The following AGBL1 variants were observed in gnomAD, a reference collection of about 807,000 sequenced individuals.
The protein encoded by AGBL1 is cytosolic carboxypeptidase 4.
A neutral mutation model predicts 118.9 loss-of-function variants in AGBL1; 130 were observed. The observed-to-expected ratio is 1.09, with a 90% CI of 0.95 to 1.26. AGBL1 has a LOEUF of 1.26. Ranked by LOEUF, AGBL1 falls within the 50% of genes most tolerant of loss-of-function variation. The pLI is 0.00. For synonymous variants in AGBL1, 555 were observed against 478.9 expected, an observed-to-expected ratio of 1.16 and a Z score of -2.08; for missense variants, 1,584 against 1,298.1, an observed-to-expected ratio of 1.22 and a Z score of -3.38.
At chr15:86,949,665 A>C (rs1290111781) in intron 23 of AGBL1, among the ~76,000 whole-genome samples, 1 of 152,180 alleles carries the variant, frequency 6.6e-6, no homozygotes, top group Non-Finnish European at 1.5e-5. Context: ...TTATGTGTAT[A>C]ATAATGCTTT....
At chr15:86,089,725 C>T (rs570160122) in intron 1 of AGBL1, among the ~76,000 whole-genome samples, 12 of 152,158 alleles carry the variant, frequency 7.9e-5, no homozygotes, top group South Asian at 6.2e-4. Flanking sequence ...CCTACAGTTT[C>T]GACCCAGAGC....
intron 22 of AGBL1, among the ~76,000 whole-genome samples, chr15:86,691,386 A>C (rs1275432257): frequency 6.6e-6 from 1 of 152,112 alleles, no homozygotes; most frequent in Non-Finnish European, 1.5e-5. Context: ...ATTATTTTTC[A>C]GTACTGAATT....
In AGBL1 at chr15:86,142,086, C is replaced by T; in HGVS notation, c.115+19C>T. The T allele has an allele frequency of 3.2e-6, 5 of 1,549,210 alleles. No homozygotes were observed. The highest frequency in any genetic ancestry group is 4.4e-6 in the Non-Finnish European group (5 of 1,146,228). The stretch of plus-strand genomic sequence containing the variant: ...TCTGTTGGTGAGTAGGCCATGCTCT[C>T]ATGCTTTCATATGGCGGATGTGGAG... On this transcript the variant is annotated intron_variant, in intron 2 of 22. Transcript: ENST00000614907.
intron 17 of AGBL1, among the ~76,000 whole-genome samples, chr15:86,298,258 T>TAC (rs2079681561): frequency 2.1e-5 from 2 of 96,404 alleles, no homozygotes; most frequent in African/African-American, 9.3e-5. Context: ...TATATATATA[T>TAC]ATATATATAT....
chr15:86,580,146 G>A (rs771771413), intron 21 of AGBL1, among the ~76,000 whole-genome samples: 6 of 152,138 alleles, frequency 3.9e-5, no homozygotes, highest in South Asian at 2.1e-4. Flanking sequence ...TGAGTTAACC[G>A]TAGGAGGGAC....
chr15:86,573,503 G>A (rs1365758015), intron 21 of AGBL1, among the ~76,000 whole-genome samples: 1 of 152,196 alleles, frequency 6.6e-6, no homozygotes, highest in Non-Finnish European at 1.5e-5. Flanking sequence ...GTAACATCTG[G>A]TAAAATAGAA....
chr15:86,672,400 T>C (rs1017148934), intron 21 of AGBL1, among the ~76,000 whole-genome samples: 3 of 152,228 alleles, frequency 2.0e-5, no homozygotes, highest in Non-Finnish European at 4.4e-5. Context: ...CAGTATGGCA[T>C]ATACTGTGAG....
intron 22 of AGBL1, among the ~76,000 whole-genome samples, chr15:86,731,588 G>A (rs1240936105): frequency 1.3e-5 from 2 of 152,176 alleles, no homozygotes; most frequent in Non-Finnish European, 2.9e-5. Flanking sequence ...AAATCTTGTT[G>A]GTTTTCTTTC....
intron 5 of AGBL1, among the ~76,000 whole-genome samples, chr15:86,212,617 C>T (rs1433068112): frequency 3.3e-5 from 5 of 152,156 alleles, no homozygotes; most frequent in African/African-American, 1.2e-4. Context: ...GGTACTAAAT[C>T]CCATCCTTTA....
chr15:86,694,003 T>C (rs905565771), intron 22 of AGBL1, among the ~76,000 whole-genome samples: 20 of 152,152 alleles, frequency 1.3e-4, no homozygotes, highest in African/African-American at 4.6e-4. Flanking sequence ...TATGGCCTTA[T>C]AGTATAGTTT....
intron 22 of AGBL1, among the ~76,000 whole-genome samples, chr15:86,715,439 A>C (rs1382416262): frequency 6.6e-6 from 1 of 152,192 alleles, no homozygotes; most frequent in Non-Finnish European, 1.5e-5. Context: ...AATACCAAGA[A>C]ATAAGAATTC....
At chr15:86,365,573 C>G (rs2080874190) in intron 17 of AGBL1, among the ~76,000 whole-genome samples, 1 of 152,136 alleles carries the variant, frequency 6.6e-6, no homozygotes, top group South Asian at 2.1e-4. Context: ...TTATGTGAAA[C>G]CTATTCTTAC....
At chr15:86,204,743 C>T (rs2077963616) in intron 5 of AGBL1, among the ~76,000 whole-genome samples, 1 of 152,130 alleles carries the variant, frequency 6.6e-6, no homozygotes, top group Non-Finnish European at 1.5e-5. Flanking sequence ...GCGTGCACCA[C>T]CATGCCCAGC....
chr15:86,766,367 C>A (rs1031960990), intron 22 of AGBL1, among the ~76,000 whole-genome samples: 10 of 151,972 alleles, frequency 6.6e-5, no homozygotes, highest in East Asian at 3.9e-4. Context: ...TCCTTCCGAC[C>A]AGACACTGGT....
Position 86,914,355 on chromosome 15 carries a change from G to T in AGBL1, c.*7061G>T, listed in dbSNP as rs187250573. 1.8e-4 allele frequency: 28 copies of T among 152,282 alleles called. No homozygotes were observed. The highest frequency in any genetic ancestry group is 6.7e-4 in the African/African-American group (28 of 41,566). 9.4% of individuals were successfully genotyped at this position (152,282 alleles called of 1,614,324 possible). ...ACATAAGTGACTCATTTCACTCTCA[G>T]TACCAGCTCTGTGGGATAAATGGAC... On this transcript the variant is annotated 3_prime_UTR_variant, in exon 23 of 23. Transcript: ENST00000614907.
At chr15:86,158,617 C>T (rs753215426) in intron 4 of AGBL1, among the ~76,000 whole-genome samples, 2 of 152,186 alleles carry the variant, frequency 1.3e-5, no homozygotes, top group East Asian at 1.9e-4. Flanking sequence ...TTCTTTCTAT[C>T]ATTCAGATCT....
At chr15:86,143,278 A>G (rs2076988035) in intron 2 of AGBL1, among the ~76,000 whole-genome samples, 1 of 123,430 alleles carries the variant, frequency 8.1e-6, no homozygotes, top group Non-Finnish European at 1.7e-5. Context: ...ATGATTCCAG[A>G]TTAGGCCATC....
chr15:86,895,751 A>G (rs964855917), intron 22 of AGBL1, among the ~76,000 whole-genome samples: 1 of 151,924 alleles, frequency 6.6e-6, no homozygotes, highest in Non-Finnish European at 1.5e-5. Context: ...AGTTTCCCTT[A>G]TTTAATTTGT....
intron 22 of AGBL1, among the ~76,000 whole-genome samples, chr15:86,818,901 CATGGTATT>C (rs1169573430): frequency 6.6e-6 from 1 of 152,118 alleles, no homozygotes; most frequent in Non-Finnish European, 1.5e-5. Flanking sequence ...ATTCCTACTC[CATGGTATT>C]ATGATGAGGA....
Sources: gnomAD v4.1 joint callset for allele counts (sites outside exome capture counted in the v4.1 genomes callset) on GRCh38, gnomAD v4.1.1 for gene constraint, MANE v1.5 for transcripts, NCBI Gene and HGNC (gene_info 2026-07-23, HGNC 2026-07-21) for gene names.